The following GPR174 variants were observed in gnomAD, a reference collection of about 807,000 sequenced individuals.
The protein encoded by GPR174 is probable G protein-coupled receptor 174.
In GPR174, 8 loss-of-function variants were observed where a neutral mutation model predicts 16.5. The ratio of observed to expected loss-of-function variants is 0.48; its 90% CI spans 0.28 to 0.87. The LOEUF is 0.87. GPR174 is among the 40% of genes least tolerant of loss of function. GPR174 has a pLI of 0.09. For missense variants in GPR174, 214 were observed against 247.5 expected, an observed-to-expected ratio of 0.86 and a Z score of 0.91; for synonymous variants, 111 against 94.8, an observed-to-expected ratio of 1.17 and a Z score of -0.99.
intron 2 of GPR174, among the ~76,000 whole-genome samples, chrX:79,157,570 C>T (rs1168993016): frequency 5.4e-5 from 6 of 111,832 alleles, no homozygotes; most frequent in Non-Finnish European, 1.9e-5. Context: ...TACATGCATA[C>T]AATATTGTAA....
At chrX:79,168,383 C>T (rs188179994) in intron 2 of GPR174, among the ~76,000 whole-genome samples, 1 of 111,470 alleles carries the variant, frequency 9.0e-6, no homozygotes. Context: ...GATGGCATCT[C>T]TACTTGCAAT....
intron 2 of GPR174, 101 bp downstream of exon 2, chrX:79,157,019 C>T (rs976655268): frequency 2.3e-4 from 26 of 111,913 alleles, no homozygotes; most frequent in Admixed American, 2.1e-3. Flanking sequence ...GTTTGCTACC[C>T]ACCTGTTGCA....
At chrX:79,150,191 C>T (rs1333069466) in intron 1 of GPR174, among the ~76,000 whole-genome samples, 1 of 111,483 alleles carries the variant, frequency 9.0e-6, no homozygotes, top group African/African-American at 3.3e-5. Flanking sequence ...TTGGGCCAAA[C>T]ATGAATGGCC....
chrX:79,147,348 T>G (rs184289376), intron 1 of GPR174, among the ~76,000 whole-genome samples: 2 of 109,730 alleles, frequency 1.8e-5, no homozygotes, highest in East Asian at 5.7e-4. Flanking sequence ...TTGGGAAACA[T>G]TAAAAGATTT....
Position 79,162,467 on chromosome X carries a change from G to A in GPR174, c.-557+5549G>A, listed in dbSNP as rs1411406591. Among the ~76,000 whole-genome samples, 3 of 111,908 alleles carry A rather than the reference G, an allele frequency of 2.7e-5. No individual in the cohort carries two copies. The Admixed American group carries it at 2.8e-4, about 11-fold the overall frequency. ...GTTTCAAATGTAAATGTTTTTCAGT[G>A]GCCAATATCAAATAAGTAAAACAAT... is the stretch of plus-strand genomic sequence containing the variant. On this transcript the variant is annotated intron_variant, in intron 2 of 2. Transcript: ENST00000645147.
chrX:79,147,686 T>C (rs1926528184), intron 1 of GPR174, among the ~76,000 whole-genome samples: 1 of 109,879 alleles, frequency 9.1e-6, no homozygotes, highest in Non-Finnish European at 1.9e-5. Flanking sequence ...ATTCCAGATT[T>C]GAGAAAGCAG....
chrX:79,163,462 T>C (rs1488877957), intron 2 of GPR174, among the ~76,000 whole-genome samples: 1 of 111,804 alleles, frequency 8.9e-6, no homozygotes, highest in African/African-American at 3.2e-5. Context: ...CCATAGTCTT[T>C]CTGCAAGAAC....
intron 2 of GPR174, among the ~76,000 whole-genome samples, chrX:79,166,432 CTTTTTTTTTTTTTTT>C (rs1174620976): frequency 2.3e-5 from 1 of 43,625 alleles, no homozygotes; most frequent in African/African-American, 1.0e-4. Flanking sequence ...TTTCTTTTTT[CTTTTTTTTTTTTTTT>C]TTTTTTTTTT....
intron 2 of GPR174, among the ~76,000 whole-genome samples, chrX:79,161,657 A>G (rs1361143798): frequency 8.9e-6 from 1 of 111,905 alleles, no homozygotes; most frequent in Non-Finnish European, 1.9e-5. Flanking sequence ...CAATTAGCCC[A>G]TGGCACAAAT....
At chrX:79,147,591 T>C (rs1365415293) in intron 1 of GPR174, among the ~76,000 whole-genome samples, 1 of 106,305 alleles carries the variant, frequency 9.4e-6, no homozygotes, top group African/African-American at 3.4e-5. Context: ...ACTGGAAGTG[T>C]ATGTGCTGTA....
intron 1 of GPR174, among the ~76,000 whole-genome samples, chrX:79,148,280 C>T (rs1926539820): frequency 9.0e-6 from 1 of 111,271 alleles, no homozygotes; most frequent in East Asian, 2.8e-4. Context: ...CTCACCAAGT[C>T]AAAAGTGCCC....
intron 1 of GPR174, among the ~76,000 whole-genome samples, chrX:79,147,507 G>GAA (rs3031528): frequency 0.011 from 1,008 of 88,369 alleles, 9 homozygotes; most frequent in Non-Finnish European, 0.017. Context: ...TGTGCTCATA[G>GAA]AAAAAAAAAA....
In GPR174 at chrX:79,168,003, A is replaced by AT. The variant is rs200978236; in HGVS notation, c.-556-2446dup. 9.0e-4 allele frequency among the ~76,000 whole-genome samples: 101 copies of AT among 112,307 alleles called. 1 individual carries two copies. The East Asian group carries it at 0.022, about 25-fold the overall frequency. ...ATACTCAGTAGGGCAAAACTGGTGAATTTCCTAGGGGAACTAACCAGGCAA... is the reference window on the plus strand; with the variant it reads ...ATACTCAGTAGGGCAAAACTGGTGAATTTTCCTAGGGGAACTAACCAGGCAA... On this transcript the variant is annotated intron_variant, in intron 2 of 2. Transcript: ENST00000645147.
rs142105694 is a variant in GPR174, at chrX:79,173,491, T to C, written c.*1482T>C. ...AAATCTGTGTGCTATATAATGAAGA[T>C]ACCTTCTACGTCTCACAGAAGGAAT... On this transcript the variant is annotated 3_prime_UTR_variant, in exon 3 of 3. Coordinates refer to ENST00000645147, the MANE Select transcript of GPR174 (RefSeq NM_032553.3). 149 of 112,251 alleles carry C rather than the reference T, an allele frequency of 1.3e-3. No homozygotes were observed. Among genetic ancestry groups the C allele is most frequent in the African/African-American group, 4.5e-3 (138 of 30,969 alleles). The allele number at this position is 112,251 out of a possible 1,213,427, so 9.3% of individuals were successfully genotyped here.
At position 79,171,553 on chromosome X, in the gene GPR174, C is replaced by T. The variant is rs868726124; in HGVS notation, c.546C>T (p.Ser182=). ...CCAGGAATGTCAACCTGGCCCAGTC[C>T]GTTGTTATGATGACCATTGGCGAGT... ...LPTRNVNLAQ[S]VVMMTIGELI... The change falls in exon 3 of 3, where the codon TCC becomes TCT. Residue 182 remains serine (S), a synonymous_variant. Transcript: ENST00000645147. 3.3e-6 allele frequency: 4 copies of T among 1,208,818 alleles called. No individual in the cohort carries two copies. The highest frequency in any genetic ancestry group is 4.5e-6 in the Non-Finnish European group (4 of 894,919).
At chrX:79,167,435 G>A (rs1921401717) in intron 2 of GPR174, among the ~76,000 whole-genome samples, 1 of 111,246 alleles carries the variant, frequency 9.0e-6, no homozygotes, top group Admixed American at 9.5e-5. Context: ...AGAGGTAAAA[G>A]CAGTGTAAGA....
At position 79,174,136 on chromosome X, in the gene GPR174, C is replaced by T. The variant is rs1921582498; in HGVS notation, c.*2127C>T. Reference sequence around the variant, plus strand: ...ATATTTTCAGGAGATGTTTGACCTTCTTAGATGAATGGTTGAGGGTAGGGC... The same window carrying T: ...ATATTTTCAGGAGATGTTTGACCTTTTTAGATGAATGGTTGAGGGTAGGGC... On this transcript the variant is annotated 3_prime_UTR_variant, in exon 3 of 3. Coordinates refer to ENST00000645147, the MANE Select transcript of GPR174 (RefSeq NM_032553.3). 9.1e-6 allele frequency: 1 copy of T among 110,092 alleles called. No homozygotes were observed. Among genetic ancestry groups the T allele is most frequent in the South Asian group, 3.9e-4 (1 of 2,588 alleles). The allele number at this position is 110,092 out of a possible 1,213,427, so 9.1% of individuals were successfully genotyped here.
In GPR174 at chrX:79,175,059, T is replaced by G. The variant is rs376513250; in HGVS notation, c.*3050T>G. The G allele has an allele frequency of 9.0e-6, 1 of 111,634 alleles. No individual in the cohort carries two copies. Among genetic ancestry groups the G allele is most frequent in the East Asian group, 2.8e-4 (1 of 3,581 alleles). 9.2% of individuals were successfully genotyped at this position (111,634 alleles called of 1,213,427 possible). A position where few individuals can be genotyped will look rare whatever the true frequency, so the allele number is the denominator to read the frequency against. ...ATTATATTCAAATGGTTTATATGTT[T>G]TCATTGTCACTCAGTTAAGCAGCCA... is the stretch of plus-strand genomic sequence containing the variant. On this transcript the variant is annotated 3_prime_UTR_variant, in exon 3 of 3. Transcript: ENST00000645147.
chrX:79,153,734 G>A (rs1466506219), intron 1 of GPR174, among the ~76,000 whole-genome samples: 1 of 111,868 alleles, frequency 8.9e-6, no homozygotes, highest in Non-Finnish European at 1.9e-5. Context: ...CCATATGAAG[G>A]AAAGAGAAAT....
Sources: allele counts gnomAD v4.1 joint callset (sites outside exome capture counted in the v4.1 genomes callset), GRCh38; gene constraint gnomAD v4.1.1; transcripts MANE v1.5; gene names NCBI Gene and HGNC (gene_info 2026-07-23, HGNC 2026-07-21).